The following SDK1 variants were observed in gnomAD, a reference collection of about 807,000 sequenced individuals.
SDK1 encodes protein sidekick-1.
Under a neutral mutation model 245.5 loss-of-function variants are expected in SDK1, and 157 were observed. The observed-to-expected ratio is 0.64, with a 90% CI of 0.56 to 0.73. SDK1 has a LOEUF of 0.73. Ranked by LOEUF, SDK1 falls within the 30% of genes least tolerant of loss-of-function variation. The pLI is 0.00. For missense variants in SDK1, 3,583 were observed against 3,002.3 expected, an observed-to-expected ratio of 1.19 and a Z score of -4.52; for synonymous variants, 1,647 against 1,278.5, an observed-to-expected ratio of 1.29 and a Z score of -6.15.
At chr7:4,060,181 A>G (rs1302656136) in intron 19 of SDK1, among the ~76,000 whole-genome samples, 1 of 152,194 alleles carries the variant, frequency 6.6e-6, no homozygotes, top group Non-Finnish European at 1.5e-5. Flanking sequence ...ACGCCCGGCC[A>G]GAAATTTCTT....
chr7:3,994,142 C>G (rs1394804087), intron 14 of SDK1, among the ~76,000 whole-genome samples: 1 of 152,178 alleles, frequency 6.6e-6, no homozygotes, highest in Non-Finnish European at 1.5e-5. Flanking sequence ...TTCTAGGGAT[C>G]TCATGTTAGT....
intron 35 of SDK1, among the ~76,000 whole-genome samples, chr7:4,179,972 G>A (rs1337554876): frequency 6.6e-6 from 1 of 151,958 alleles, no homozygotes; most frequent in Non-Finnish European, 1.5e-5. Context: ...GGGTCTGCCT[G>A]CGCCTGGGCA....
At chr7:4,012,436 G>A (rs1005213192) in intron 16 of SDK1, among the ~76,000 whole-genome samples, 2 of 151,324 alleles carry the variant, frequency 1.3e-5, no homozygotes, top group African/African-American at 4.9e-5. Flanking sequence ...GAGACATTCT[G>A]TGCATATCTG....
chr7:3,759,701 T>C (rs1022863993), intron 4 of SDK1, among the ~76,000 whole-genome samples: 11 of 151,934 alleles, frequency 7.2e-5, no homozygotes, highest in Non-Finnish European at 1.6e-4. Context: ...AGGCGATTCT[T>C]CTGCCTCAGC....
At chr7:3,947,501 T>C (rs976595600) in intron 5 of SDK1, among the ~76,000 whole-genome samples, 1 of 151,682 alleles carries the variant, frequency 6.6e-6, no homozygotes. Context: ...GATTTCTAAT[T>C]GCCTTTCCTT....
At chr7:3,545,257 G>A (rs1193318883) in intron 1 of SDK1, among the ~76,000 whole-genome samples, 1 of 152,176 alleles carries the variant, frequency 6.6e-6, no homozygotes, top group Admixed American at 6.5e-5. Flanking sequence ...AGAAAGTAGA[G>A]AAGAGTCATG....
Position 3,784,127 on chromosome 7 carries a change from C to T in SDK1, c.714-37323C>T, listed in dbSNP as rs186950342. On this transcript the variant is annotated intron_variant, in intron 4 of 44. Coordinates refer to ENST00000404826, the MANE Select transcript of SDK1 (RefSeq NM_152744.4). Reference sequence around the variant, plus strand: ...TTAGAGAAAGGGTCTCCCTATATTGCCCAGGCTAGTCTCAAACTCCTGGCC... The same window carrying T: ...TTAGAGAAAGGGTCTCCCTATATTGTCCAGGCTAGTCTCAAACTCCTGGCC... Among the ~76,000 whole-genome samples, 15 of 149,406 alleles carry T rather than the reference C, an allele frequency of 1.0e-4. No homozygotes were observed. In the South Asian group the frequency reaches 1.9e-3, roughly 19 times the overall value.
chr7:3,758,770 G>T (rs1466560591), intron 4 of SDK1, among the ~76,000 whole-genome samples: 1 of 152,160 alleles, frequency 6.6e-6, no homozygotes, highest in East Asian at 1.9e-4. Context: ...GAAGCATGGA[G>T]TGTGCTTGTA....
intron 4 of SDK1, among the ~76,000 whole-genome samples, chr7:3,690,840 T>C (rs1165594060): frequency 1.3e-5 from 2 of 152,216 alleles, no homozygotes; most frequent in East Asian, 1.9e-4. Flanking sequence ...AGTAATACTT[T>C]GCGTGTATAT....
At chr7:3,686,313 T>G (rs1427397190) in intron 4 of SDK1, among the ~76,000 whole-genome samples, 1 of 152,176 alleles carries the variant, frequency 6.6e-6, no homozygotes, top group Admixed American at 6.5e-5. Flanking sequence ...TGACCTCGGG[T>G]GATCCACCTG....
rs545288786 is a variant in SDK1 at position 3,338,840 on chromosome 7, C to T, written c.298+36956C>T. On this transcript the variant is annotated intron_variant, in intron 1 of 44. Coordinates refer to ENST00000404826, the MANE Select transcript of SDK1 (RefSeq NM_152744.4). Reference sequence around the variant, plus strand: ...CAGCCATTATGAAAACTGGTATACTCGAGCACTATGAATAAATGAAGGTGG... The same window carrying T: ...CAGCCATTATGAAAACTGGTATACTTGAGCACTATGAATAAATGAAGGTGG... Among the ~76,000 whole-genome samples the T allele has an allele frequency of 2.4e-4, 37 of 152,086 alleles. No individual in the cohort carries two copies. The East Asian group carries it at 2.5e-3, about 10-fold the overall frequency.
At chr7:3,809,415 G>A (rs563392923) in intron 4 of SDK1, among the ~76,000 whole-genome samples, 4 of 152,272 alleles carry the variant, frequency 2.6e-5, no homozygotes, top group South Asian at 2.1e-4. Context: ...GATCCAGACC[G>A]TATCCCTGAG....
chr7:3,993,182 G>A (rs1784469926), intron 14 of SDK1, among the ~76,000 whole-genome samples: 2 of 151,430 alleles, frequency 1.3e-5, no homozygotes, highest in South Asian at 4.3e-4. Context: ...TTCGTTTAAT[G>A]CAACAGTTGC....
At chr7:4,245,530 T>A (rs572983774) in intron 43 of SDK1, 146 bp from the exon 44 acceptor site, 1 of 839,508 alleles carries the variant, frequency 1.2e-6, no homozygotes, top group African/African-American at 1.7e-5. Context: ...TGCTCAGAAT[T>A]TTTTGCATCA....
chr7:3,459,552 T>A (rs140678107), intron 1 of SDK1, among the ~76,000 whole-genome samples: 1 of 152,334 alleles, frequency 6.6e-6, no homozygotes, highest in African/African-American at 2.4e-5. Flanking sequence ...CTTTCCTGTT[T>A]CAAGAAGGAA....
intron 4 of SDK1, among the ~76,000 whole-genome samples, chr7:3,679,658 C>G (rs1056720154): frequency 1.3e-5 from 2 of 152,200 alleles, no homozygotes; most frequent in Non-Finnish European, 2.9e-5. Context: ...AATACCTTTG[C>G]CATCATTGGC....
intron 22 of SDK1, among the ~76,000 whole-genome samples, chr7:4,108,575 C>T (rs62438178): frequency 0.019 from 2,835 of 152,284 alleles, 40 homozygotes; most frequent in South Asian, 0.043. Context: ...TTGCCGACTT[C>T]CGGGGTATTC....
chr7:3,497,084 G>C (rs541178230), intron 1 of SDK1, among the ~76,000 whole-genome samples: 4 of 152,144 alleles, frequency 2.6e-5, no homozygotes, highest in Non-Finnish European at 5.9e-5. Flanking sequence ...TTCTAGAGAA[G>C]AATGTTTATT....
intron 1 of SDK1, among the ~76,000 whole-genome samples, chr7:3,326,158 G>A (rs1779935805): frequency 6.6e-6 from 1 of 152,122 alleles, no homozygotes; most frequent in Admixed American, 6.6e-5. Flanking sequence ...AAATTGTAGA[G>A]TATATAAAAG....
Sources: gnomAD v4.1 joint callset for allele counts (sites outside exome capture counted in the v4.1 genomes callset) on GRCh38, gnomAD v4.1.1 for gene constraint, MANE v1.5 for transcripts, NCBI Gene and HGNC (gene_info 2026-07-23, HGNC 2026-07-21) for gene names.